HGSNAT: variants seen among roughly 807,000 people sequenced by gnomAD.
HGSNAT encodes the protein heparan-alpha-glucosaminide N-acetyltransferase.
HGSNAT carries 59 observed loss-of-function variants against 85.2 expected under a neutral mutation model. That is an observed-to-expected ratio of 0.69 (90% CI 0.56 to 0.86). HGSNAT has a LOEUF of 0.86. Among genes scored for constraint, HGSNAT ranks in the 40% least tolerant of loss-of-function variants. HGSNAT has a pLI of 0.00. For missense variants in HGSNAT, 756 were observed against 777.1 expected (o/e 0.97, Z 0.32); for synonymous variants, 321 against 304.5 (o/e 1.05, Z -0.56).
At chr8:43,195,442 A>G (rs1275760885) in intron 14 of HGSNAT, among the ~76,000 whole-genome samples, 1 of 151,996 alleles carries the variant, frequency 6.6e-6, no homozygotes, top group East Asian at 1.9e-4. Context: ...CATCATGAAG[A>G]TCTGCATCTT....
intron 2 of HGSNAT, among the ~76,000 whole-genome samples, chr8:43,154,613 G>T (rs1267984833): frequency 6.6e-6 from 1 of 152,012 alleles, no homozygotes; most frequent in East Asian, 1.9e-4. Context: ...ATTTGGGTTG[G>T]TTCCAAGTCT....
chr8:43,192,508 G>A (rs942893121), intron 13 of HGSNAT, 78 bp downstream of exon 13: 20 of 1,454,060 alleles, frequency 1.4e-5, no homozygotes, highest in African/African-American at 2.8e-5. Flanking sequence ...GCCAGCAAAC[G>A]TTAAACCATG....
intron 1 of HGSNAT, among the ~76,000 whole-genome samples, chr8:43,146,626 G>A (rs1050791795): frequency 2.6e-5 from 4 of 152,116 alleles, no homozygotes; most frequent in Non-Finnish European, 4.4e-5. Flanking sequence ...CTTAGCACTC[G>A]ATGAATATAA....
At chr8:43,148,796 G>GAAA (rs953905178) in intron 2 of HGSNAT, among the ~76,000 whole-genome samples, 1 of 113,998 alleles carries the variant, frequency 8.8e-6, no homozygotes, top group Non-Finnish European at 1.9e-5. Flanking sequence ...TCCGTCTCAA[G>GAAA]AAAAAAAAAA....
chr8:43,169,100 C>T (rs1012749298), intron 5 of HGSNAT, 73 bp from the exon 6 acceptor site: 13 of 756,172 alleles, frequency 1.7e-5, no homozygotes, highest in Non-Finnish European at 2.7e-5. Context: ...AATTTTATTT[C>T]CATATAATAT....
chr8:43,194,993 T>C (rs567319865), intron 14 of HGSNAT, among the ~76,000 whole-genome samples: 2 of 152,168 alleles, frequency 1.3e-5, no homozygotes, highest in Admixed American at 1.3e-4. Context: ...TCCTCTGTGC[T>C]ATCTAGTGGG....
chr8:43,198,057 C>T (rs998449815), intron 17 of HGSNAT, 105 bp downstream of exon 17: 40 of 759,910 alleles, frequency 5.3e-5, no homozygotes, highest in Admixed American at 3.9e-4. Context: ...ACTGCCCTAG[C>T]GGCAGGTGTC....
intron 1 of HGSNAT, among the ~76,000 whole-genome samples, chr8:43,143,835 C>T (rs775756951): frequency 9.9e-5 from 15 of 151,876 alleles, no homozygotes; most frequent in Non-Finnish European, 1.8e-4. Context: ...TGTGAGCCAC[C>T]GTGCCTGGCC....
intron 4 of HGSNAT, among the ~76,000 whole-genome samples, chr8:43,160,796 T>G (rs374146802): frequency 6.6e-6 from 1 of 152,238 alleles, no homozygotes; most frequent in African/African-American, 2.4e-5. Context: ...TGCATTTAGC[T>G]TTCAGATCTC....
chr8:43,194,331 G>C lies in HGSNAT; in HGVS notation c.1464+488G>C, dbSNP rs1403992678. 5 of 918,114 alleles carry C rather than the reference G, an allele frequency of 5.4e-6. No individual in the cohort carries two copies. The East Asian group carries it at 4.7e-4, about 87-fold the overall frequency. 56.9% of individuals were successfully genotyped at this position (918,114 alleles called of 1,614,324 possible). On this transcript the variant is annotated intron_variant, in intron 14 of 17. Coordinates refer to ENST00000379644, the MANE Select transcript of HGSNAT (RefSeq NM_152419.3). ...GAGTATGGCTTGAACCAAGGAGGTT[G>C]AGGCTGCAGTGAGCCTTGATTGCAC...
At chr8:43,156,580 A>G (rs1803102392) in intron 2 of HGSNAT, among the ~76,000 whole-genome samples, 1 of 152,106 alleles carries the variant, frequency 6.6e-6, no homozygotes, top group African/African-American at 2.4e-5. Context: ...TTTTAGTTTT[A>G]TTCCATTGTG....
intron 10 of HGSNAT, among the ~76,000 whole-genome samples, chr8:43,179,499 C>G (rs1204900999): frequency 1.5e-4 from 19 of 128,262 alleles, no homozygotes; most frequent in Non-Finnish European, 6.7e-5. Context: ...GGGGCTGACC[C>G]CCCCCACCTC....
chr8:43,194,000 A>C (rs747046891), intron 14 of HGSNAT, 157 bp downstream of exon 14: 21 of 1,387,192 alleles, frequency 1.5e-5, no homozygotes, highest in Non-Finnish European at 2.0e-5. Context: ...GCAGAACCAA[A>C]AGTTACTGAA....
rs148792109 is a variant in HGSNAT, at chr8:43,156,220, A to G, written c.235-2355A>G. On this transcript the variant is annotated intron_variant, in intron 2 of 17. Transcript: ENST00000379644. ...TTTGCTGTATTCCATAGGTTTTGGAATGTTGTGCTTCCATTTTCATATGGA... is the reference window on the plus strand; with the variant it reads ...TTTGCTGTATTCCATAGGTTTTGGAGTGTTGTGCTTCCATTTTCATATGGA... Among the ~76,000 whole-genome samples the G allele has an allele frequency of 2.7e-4, 41 of 152,302 alleles. No individual in the cohort carries two copies. The East Asian group carries it at 7.9e-3, about 29-fold the overall frequency.
At chr8:43,195,655 T>TGGAGGAGGAGGGAGTAGA (rs1554537293) in intron 14 of HGSNAT, among the ~76,000 whole-genome samples, 8 of 67,542 alleles carry the variant, frequency 1.2e-4, no homozygotes, top group East Asian at 5.2e-4. Context: ...GAGGAGGGGC[T>TGGAGGAGGAGGGAGTAGA]GGAGGAGGAG....
intron 14 of HGSNAT, among the ~76,000 whole-genome samples, chr8:43,195,637 A>AGGGGCT (rs1326224434): frequency 1.5e-5 from 2 of 136,512 alleles, no homozygotes; most frequent in East Asian, 4.9e-4. Context: ...GGGGTGGAGG[A>AGGGGCT]AGAGGAGGAG....
At chr8:43,161,221 T>C (rs2130721319) in intron 4 of HGSNAT, among the ~76,000 whole-genome samples, 1 of 152,316 alleles carries the variant, frequency 6.6e-6, no homozygotes, top group African/African-American at 2.4e-5. Flanking sequence ...ATGGATTATA[T>C]ATAGGGTGAT....
In HGSNAT at chr8:43,178,165, G is replaced by T; in HGVS notation, c.943G>T (p.Ala315Ser). 2 of 1,602,034 alleles carry T rather than the reference G, an allele frequency of 1.2e-6. No individual in the cohort carries two copies. The highest frequency in any genetic ancestry group is 1.7e-6 in the Non-Finnish European group (2 of 1,175,620). ...CSKFRLLGKI[A>S]WRSFLLICIG... The stretch of plus-strand genomic sequence containing the variant: ...AAAATTCAGATTGCTGGGGAAGATT[G>T]CATGGAGGAGTTTCCTGTTAATCTG... The change falls in exon 10 of 18, where the codon GCA becomes TCA. Residue 315 changes from alanine to serine, a missense_variant. Ala to Ser is a moderately conservative substitution (Grantham distance 99). Coordinates refer to ENST00000379644, the MANE Select transcript of HGSNAT (RefSeq NM_152419.3).
intron 10 of HGSNAT, among the ~76,000 whole-genome samples, chr8:43,180,035 A>G (rs373394675): frequency 7.7e-4 from 51 of 66,054 alleles, no homozygotes; most frequent in African/African-American, 3.6e-3. Flanking sequence ...CTCACCTCCC[A>G]GACGGGGCGG....
Sources: allele counts gnomAD v4.1 joint callset (sites outside exome capture counted in the v4.1 genomes callset), GRCh38; gene constraint gnomAD v4.1.1; transcripts MANE v1.5; gene names NCBI Gene and HGNC (gene_info 2026-07-23, HGNC 2026-07-21).